TGIF1: variants seen among roughly 807,000 people sequenced by gnomAD.
TGIF1 encodes the protein homeobox protein TGIF1.
TGIF1 carries 4 observed loss-of-function variants against 19.3 expected under a neutral mutation model. The ratio of observed to expected loss-of-function variants is 0.21; its 90% CI spans 0.10 to 0.47. The LOEUF (loss-of-function observed/expected upper bound fraction) is 0.47. Ranked by LOEUF, TGIF1 falls within the 20% of genes least tolerant of loss-of-function variation. The probability of loss-of-function intolerance (pLI) is 0.98; values close to 1 mark genes in which losing one functional copy is unlikely to be tolerated. For missense variants in TGIF1, 275 were observed against 341.4 expected (o/e 0.81, Z 1.53); for synonymous variants, 122 against 129.3 (o/e 0.94, Z 0.38).
At chr18:3,427,389 T>C (rs537561764) in intron 2 of TGIF1, among the ~76,000 whole-genome samples, 6 of 151,814 alleles carry the variant, frequency 4.0e-5, no homozygotes, top group Admixed American at 1.3e-4. Context: ...CCCCACTAGG[T>C]TCAAGTGATT....
At chr18:3,429,929 T>G (rs939555175) in intron 2 of TGIF1, among the ~76,000 whole-genome samples, 2 of 152,088 alleles carry the variant, frequency 1.3e-5, no homozygotes, top group Non-Finnish European at 2.9e-5. Flanking sequence ...CCAAGGTGGG[T>G]GGATCACCTG....
In TGIF1 at chr18:3,456,632, T is replaced by C; in HGVS notation, c.243+52T>C. On this transcript the variant is annotated intron_variant, in intron 2 of 2. Coordinates refer to ENST00000343820, the MANE Select transcript of TGIF1 (RefSeq NM_003244.4). The surrounding 1 kb of genome is among the most constrained non-coding windows in gnomAD (Gnocchi z 4.2). ...GGATGCATTTTTAGTTTCAAAGTCA[T>C]TTTATGGCATTCCTGTGTGTCAAGT... is the stretch of plus-strand genomic sequence containing the variant. 6.7e-7 allele frequency: 1 copy of C among 1,503,742 alleles called. No individual in the cohort carries two copies. Among genetic ancestry groups the C allele is most frequent in the Non-Finnish European group, 9.2e-7 (1 of 1,083,102 alleles). The allele number at this position is 1,503,742 out of a possible 1,614,324, so 93.1% of individuals were successfully genotyped here. A position where few individuals can be genotyped will look rare whatever the true frequency, so the allele number is the denominator to read the frequency against.
chr18:3,423,996 G>C (rs777119502), intron 2 of TGIF1, among the ~76,000 whole-genome samples: 6 of 152,172 alleles, frequency 3.9e-5, no homozygotes, highest in Non-Finnish European at 8.8e-5. Flanking sequence ...AATACAGAAG[G>C]GGTCTGCGTC....
chr18:3,449,771 G>C (rs2143294691), upstream of TGIF1: 2 of 985,576 alleles, frequency 2.0e-6, no homozygotes, highest in Non-Finnish European at 2.4e-6. Flanking sequence ...TCAAAAACGA[G>C]ACGGGGAGGC....
At chr18:3,441,780 A>G (rs2082679830) in intron 2 of TGIF1, among the ~76,000 whole-genome samples, 1 of 152,208 alleles carries the variant, frequency 6.6e-6, no homozygotes, top group South Asian at 2.1e-4. Flanking sequence ...ATGAAAAGCC[A>G]CCTTTGCCAA....
intron 1 of TGIF1, 123 bp downstream of exon 1, chr18:3,450,628 C>T (rs981106291): frequency 2.0e-6 from 3 of 1,528,828 alleles, no homozygotes; most frequent in African/African-American, 1.4e-5. Flanking sequence ...GCTGGAGTGG[C>T]GGCCGTGCTC....
intron 2 of TGIF1, among the ~76,000 whole-genome samples, chr18:3,423,447 G>A (rs55777195): frequency 0.13 from 19,382 of 151,826 alleles, 3,778 homozygotes; most frequent in African/African-American, 0.42. Context: ...TGGGAGGCCA[G>A]GGCGGGCAGA....
upstream of TGIF1, chr18:3,449,755 C>A (rs2082840680): frequency 3.0e-6 from 3 of 985,410 alleles, no homozygotes; most frequent in African/African-American, 5.2e-5. Context: ...GAGTTCGGGG[C>A]AGCTGTCAAA....
chr18:3,412,526 G>A (rs1053884279), intron 1 of TGIF1, among the ~76,000 whole-genome samples: 4 of 152,178 alleles, frequency 2.6e-5, no homozygotes, highest in African/African-American at 9.6e-5. Flanking sequence ...GCTTCTAAAC[G>A]AGCACGCATA....
At chr18:3,450,121 C>T, upstream of TGIF1, 3 of 938,632 alleles carry the variant, frequency 3.2e-6, no homozygotes, top group Non-Finnish European at 2.6e-6. Context: ...ACGGGGCGGG[C>T]GGCTGGGGGC....
chr18:3,414,560 A>G (rs942145867), intron 1 of TGIF1, among the ~76,000 whole-genome samples: 2 of 152,196 alleles, frequency 1.3e-5, no homozygotes, highest in Admixed American at 1.3e-4. Context: ...ACATACTTCT[A>G]GTAACGGTCC....
At chr18:3,448,363 T>A, upstream of TGIF1, 1 of 1,007,240 alleles carries the variant, frequency 9.9e-7, no homozygotes, top group Non-Finnish European at 1.2e-6. Flanking sequence ...GGCGGCCCCC[T>A]CTAACGGGCG....
At chr18:3,437,682 T>G (rs2082631819) in intron 2 of TGIF1, among the ~76,000 whole-genome samples, 1 of 152,162 alleles carries the variant, frequency 6.6e-6, no homozygotes, top group South Asian at 2.1e-4. Context: ...GGGGTGGTGG[T>G]TCAAAGAGAT....
intron 2 of TGIF1, among the ~76,000 whole-genome samples, chr18:3,420,233 T>G (rs1157932446): frequency 6.6e-6 from 1 of 151,484 alleles, no homozygotes; most frequent in Non-Finnish European, 1.5e-5. Flanking sequence ...ATACAAAAAT[T>G]AGTCATGCTT....
At chr18:3,447,923 C>T (rs935390434), upstream of TGIF1, 30 of 1,464,428 alleles carry the variant, frequency 2.0e-5, no homozygotes, top group Admixed American at 5.3e-4. Flanking sequence ...TCTCGGTTCC[C>T]ATCTCGGTTG....
intron 2 of TGIF1, among the ~76,000 whole-genome samples, chr18:3,433,403 C>T (rs2082575861): frequency 6.6e-6 from 1 of 152,094 alleles, no homozygotes; most frequent in Non-Finnish European, 1.5e-5. Flanking sequence ...GCTAAAATCA[C>T]TTTAAGATTA....
rs1473274497 is a variant in TGIF1, at chr18:3,450,416, G to T, written c.-74G>T. 16 of 1,550,312 alleles carry T rather than the reference G, an allele frequency of 1.0e-5. No individual in the cohort carries two copies. Among genetic ancestry groups the T allele is most frequent in the Non-Finnish European group, 4.4e-6 (5 of 1,146,592 alleles). On this transcript the variant is annotated 5_prime_UTR_variant, in exon 1 of 3. Coordinates refer to ENST00000343820, the MANE Select transcript of TGIF1 (RefSeq NM_003244.4). The stretch of plus-strand genomic sequence containing the variant: ...AGAGTCGGCTGTGAAGGAGACGTTC[G>T]CTTATCCCCTGTGTCCCCGCTCCTG...
chr18:3,445,764 G>GAAAAAAAA (rs1568041656), upstream of TGIF1, among the ~76,000 whole-genome samples: 1 of 24,126 alleles, frequency 4.1e-5, no homozygotes. Flanking sequence ...GAGAAGAAAA[G>GAAAAAAAA]CAAAAAAAAA....
At chr18:3,431,166 G>T (rs552397355) in intron 2 of TGIF1, among the ~76,000 whole-genome samples, 1 of 152,332 alleles carries the variant, frequency 6.6e-6, no homozygotes, top group African/African-American at 2.4e-5. Context: ...ATAATAGCAG[G>T]TCTGGCGTGG....
Sources: gnomAD v4.1 joint callset for allele counts (sites outside exome capture counted in the v4.1 genomes callset) on GRCh38, gnomAD v4.1.1 for gene constraint, Gnocchi (gnomAD v3.1) non-coding constraint, MANE v1.5 for transcripts, NCBI Gene and HGNC (gene_info 2026-07-23, HGNC 2026-07-21) for gene names.